The following C12orf42 variants were observed in gnomAD, a reference collection of about 807,000 sequenced individuals.
C12orf42 encodes chromosome 12 open reading frame 42.
In C12orf42, 25 loss-of-function variants were observed where a neutral mutation model predicts 21.6. That is an observed-to-expected ratio of 1.16 (90% confidence interval 0.84 to 1.62). The LOEUF is 1.62. C12orf42 is among the 40% of genes most tolerant of loss of function. The probability of loss-of-function intolerance (pLI) is 0.00; values close to 1 mark genes in which losing one functional copy is unlikely to be tolerated. For missense variants in C12orf42, 483 were observed against 459.3 expected (o/e 1.05, Z -0.47); for synonymous variants, 174 against 175.0 (o/e 0.99, Z 0.05).
chr12:103,236,744 G>C (rs1043424718), downstream of C12orf42, among the ~76,000 whole-genome samples: 7 of 152,162 alleles, frequency 4.6e-5, no homozygotes, highest in African/African-American at 1.7e-4. Flanking sequence ...GTCCATTACT[G>C]TGAATGAACC....
chr12:103,424,580 C>A (rs975585228), intron 2 of C12orf42, among the ~76,000 whole-genome samples: 1 of 152,182 alleles, frequency 6.6e-6, no homozygotes, highest in Non-Finnish European at 1.5e-5. Flanking sequence ...GGTCAGGGAA[C>A]TCCCTCCCCT....
At chr12:103,381,934 G>T (rs2046218384) in intron 3 of C12orf42, among the ~76,000 whole-genome samples, 2 of 138,248 alleles carry the variant, frequency 1.4e-5, no homozygotes, top group Admixed American at 7.8e-5. Flanking sequence ...AAAAAAATTT[G>T]CTTTCTCTTT....
chr12:103,420,690 C>A (rs772481473), intron 2 of C12orf42, among the ~76,000 whole-genome samples: 1 of 152,052 alleles, frequency 6.6e-6, no homozygotes, highest in Non-Finnish European at 1.5e-5. Context: ...CCACCACACC[C>A]GGTTGATTTT....
At chr12:103,300,338 G>T (rs1438283191), downstream of C12orf42, among the ~76,000 whole-genome samples, 1 of 152,074 alleles carries the variant, frequency 6.6e-6, no homozygotes, top group Non-Finnish European at 1.5e-5. Flanking sequence ...TACATGGTGG[G>T]TATCTCTCAG....
chr12:103,282,059 TTTC>T (rs1340645585), intron 4 of C12orf42, among the ~76,000 whole-genome samples: 1 of 152,236 alleles, frequency 6.6e-6, no homozygotes, highest in East Asian at 1.9e-4. Flanking sequence ...ACCAATAACC[TTTC>T]TTCTTTAGTT....
chr12:103,167,731 CA>C, the C12orf42 span, among the ~76,000 whole-genome samples: 1 of 151,368 alleles, frequency 6.6e-6, no homozygotes, highest in Admixed American at 6.6e-5. Flanking sequence ...CTTAACAGCA[CA>C]AAAAATAAAT....
chr12:103,400,762 A>T (rs567806885), intron 3 of C12orf42, among the ~76,000 whole-genome samples: 2 of 152,308 alleles, frequency 1.3e-5, no homozygotes, highest in African/African-American at 4.8e-5. Context: ...AATTTAAGCC[A>T]ATCCTGCTCA....
intron 4 of C12orf42, among the ~76,000 whole-genome samples, chr12:103,364,495 C>T (rs2044413735): frequency 6.6e-6 from 1 of 151,728 alleles, no homozygotes; most frequent in African/African-American, 2.4e-5. Flanking sequence ...AAAATCAAAA[C>T]AGAACTAAAT....
At chr12:103,396,437 T>C (rs1357342692) in intron 3 of C12orf42, 1 of 152,240 alleles carries the variant, frequency 6.6e-6, no homozygotes, top group African/African-American at 2.4e-5. Flanking sequence ...AAGTCTCAGG[T>C]AGTATCTTTA....
At chr12:103,255,943 C>T (rs1355900192) in intron 10 of C12orf42, among the ~76,000 whole-genome samples, 2 of 147,594 alleles carry the variant, frequency 1.4e-5, no homozygotes, top group East Asian at 4.0e-4. Flanking sequence ...GTCCCAGCTA[C>T]TCGGGAGGCT....
At chr12:103,477,375 T>A (rs1435465865) in intron 2 of C12orf42, among the ~76,000 whole-genome samples, 2 of 151,978 alleles carry the variant, frequency 1.3e-5, no homozygotes, top group Admixed American at 1.3e-4. Flanking sequence ...TGGGTGGTAA[T>A]GTGGCCACAG....
the C12orf42 span, among the ~76,000 whole-genome samples, chr12:103,206,292 C>G: frequency 6.6e-6 from 1 of 152,192 alleles, no homozygotes; most frequent in Non-Finnish European, 1.5e-5. Context: ...GTATTTCTCT[C>G]AAGAATATCC....
At chr12:103,482,534 G>A (rs1462246523) in intron 1 of C12orf42, among the ~76,000 whole-genome samples, 1 of 152,030 alleles carries the variant, frequency 6.6e-6, no homozygotes, top group East Asian at 1.9e-4. Flanking sequence ...GATCTTTTGT[G>A]TGTATATGAA....
At chr12:103,509,294 TC>T in the C12orf42 span, among the ~76,000 whole-genome samples, 1 of 152,116 alleles carries the variant, frequency 6.6e-6, no homozygotes, top group African/African-American at 2.4e-5. Flanking sequence ...CAAGAATGTC[TC>T]CCTCCTTCTG....
chr12:103,552,292 G>A, the C12orf42 span, among the ~76,000 whole-genome samples: 1 of 152,144 alleles, frequency 6.6e-6, no homozygotes, highest in African/African-American at 2.4e-5. Flanking sequence ...TTTGATATAA[G>A]TGGCTCTATT....
At chr12:103,383,791 AT>A (rs1295818560) in intron 3 of C12orf42, among the ~76,000 whole-genome samples, 2 of 152,252 alleles carry the variant, frequency 1.3e-5, no homozygotes, top group Admixed American at 1.3e-4. Context: ...ATAACAAAGT[AT>A]TTTGAAAAAC....
intron 1 of C12orf42, among the ~76,000 whole-genome samples, chr12:103,491,659 C>A (rs895503494): frequency 2.6e-5 from 4 of 152,150 alleles, no homozygotes; most frequent in African/African-American, 9.7e-5. Context: ...AAATGTCAGT[C>A]ACTATTATTT....
intron 2 of C12orf42, among the ~76,000 whole-genome samples, chr12:103,458,138 A>G (rs2041495884): frequency 1.3e-5 from 2 of 152,218 alleles, no homozygotes; most frequent in African/African-American, 2.4e-5. Flanking sequence ...ATCCATGCAT[A>G]ATAACCACTT....
chr12:103,073,545 G>A, the C12orf42 span, among the ~76,000 whole-genome samples: 1 of 151,886 alleles, frequency 6.6e-6, no homozygotes, highest in Non-Finnish European at 1.5e-5. Context: ...AATTCAAAAG[G>A]CAAATGTGTT....
Sources: allele counts gnomAD v4.1 joint callset (sites outside exome capture counted in the v4.1 genomes callset), GRCh38; gene constraint gnomAD v4.1.1; transcripts MANE v1.5; gene names NCBI Gene and HGNC (gene_info 2026-07-23, HGNC 2026-07-21).